Variants in PPFIBP1 observed in about 807,000 individuals in gnomAD.
PPFIBP1 encodes PPFIB scaffold protein 1.
PPFIBP1 carries 112 observed loss-of-function variants against 137.8 expected under a neutral mutation model. The ratio of observed to expected loss-of-function variants is 0.81; its 90% CI spans 0.70 to 0.95. PPFIBP1 has a LOEUF of 0.95. PPFIBP1 is among the 40% of genes least tolerant of loss of function. The probability of loss-of-function intolerance (pLI) is 0.00; values close to 1 mark genes in which losing one functional copy is unlikely to be tolerated. For synonymous variants in PPFIBP1, 378 were observed against 417.3 expected (o/e 0.91, Z 1.15); for missense variants, 1,083 against 1,196.6 (o/e 0.91, Z 1.40).
chr12:27,673,792 A>G lies in PPFIBP1; in HGVS notation c.1345A>G (p.Ser449Gly). The G allele has an allele frequency of 1.2e-6, 2 of 1,613,734 alleles. No individual in the cohort carries two copies. Among genetic ancestry groups the G allele is most frequent in the Non-Finnish European group, 1.7e-6 (2 of 1,179,734 alleles). Residue 449 changes from serine (S) to glycine (G), a missense_variant, in exon 16 of 30, where the codon AGC (serine) becomes GGC (glycine). Physicochemically the swap from Ser to Gly is moderately conservative, Grantham distance 56. Coordinates refer to ENST00000228425, the MANE Select transcript of PPFIBP1 (RefSeq NM_003622.4). ...LLTSSLQKSS[S>G]LGNLKKETSD... Reference sequence around the variant, plus strand: ...AACTTCAAGTCTGCAGAAGTCCAGCAGCCTGGGCAATCTGAAGAAAGAGAC... The same window carrying G: ...AACTTCAAGTCTGCAGAAGTCCAGCGGCCTGGGCAATCTGAAGAAAGAGAC...
At chr12:27,631,393 A>G (rs1418245882) in intron 2 of PPFIBP1, among the ~76,000 whole-genome samples, 2 of 152,132 alleles carry the variant, frequency 1.3e-5, no homozygotes, top group African/African-American at 4.8e-5. Flanking sequence ...AAGCCTTCCA[A>G]ATTGGACCCC....
chr12:27,541,565 C>T (rs2136015475), intron 1 of PPFIBP1, among the ~76,000 whole-genome samples: 1 of 152,316 alleles, frequency 6.6e-6, no homozygotes, highest in South Asian at 2.1e-4. Flanking sequence ...TTTGAGGCTG[C>T]AGGCTGTTGC....
At position 27,695,032 on chromosome 12, in the gene PPFIBP1, A is replaced by G. The variant is rs1227095868; in HGVS notation, c.*2150A>G. On this transcript the variant is annotated 3_prime_UTR_variant, in exon 30 of 30. Transcript: ENST00000228425. Reference sequence around the variant, plus strand: ...ATTGAACTTACTTTATTTGGATTTTATTTTAATGTGACTAGATGTCACCAC... The same window carrying G: ...ATTGAACTTACTTTATTTGGATTTTGTTTTAATGTGACTAGATGTCACCAC... The G allele has an allele frequency of 6.6e-6, 1 of 152,032 alleles. No homozygotes were observed. The allele number at this position is 152,032 out of a possible 1,614,324, so 9.4% of individuals were successfully genotyped here.
Position 27,647,751 on chromosome 12 carries a change from T to A in PPFIBP1, c.380T>A (p.Val127Glu), listed in dbSNP as rs887801239. The change falls in exon 6 of 30, where the codon GTG becomes GAG. Residue 127 changes from valine (V) to glutamate (E), a missense_variant. By Grantham distance (121) the Val-to-Glu change is moderately radical. Coordinates refer to ENST00000228425, the MANE Select transcript of PPFIBP1 (RefSeq NM_003622.4). ...CAGGTAAGTGTGTTAACAGACCAGG[T>A]GGAGGCTCAGGGAGAGAAGATTCGA... ...VLQVSVLTDQ[V>E]EAQGEKIRDL... 1.2e-6 allele frequency: 2 copies of A among 1,608,540 alleles called. No individual in the cohort carries two copies. Among genetic ancestry groups the A allele is most frequent in the Non-Finnish European group, 1.7e-6 (2 of 1,177,702 alleles).
chr12:27,654,335 T>C (rs1354940457), intron 7 of PPFIBP1: 1 of 153,922 alleles, frequency 6.5e-6, no homozygotes, highest in Non-Finnish European at 1.4e-5. Flanking sequence ...TACTAAAGAA[T>C]GTGGTATATT....
intron 22 of PPFIBP1, 122 bp downstream of exon 22, chr12:27,681,818 G>A: frequency 8.5e-7 from 1 of 1,183,336 alleles, no homozygotes; most frequent in South Asian, 1.8e-5. Context: ...GTAAACAAAA[G>A]TTTGGGTTTT....
intron 9 of PPFIBP1, among the ~76,000 whole-genome samples, chr12:27,657,920 C>A (rs953965762): frequency 3.1e-4 from 47 of 151,824 alleles, no homozygotes; most frequent in African/African-American, 1.1e-3. Flanking sequence ...CCAGCCTGGG[C>A]AACACAATGA....
At chr12:27,688,452 C>T in intron 26 of PPFIBP1, 29 bp downstream of exon 26, 1 of 1,609,368 alleles carries the variant, frequency 6.2e-7, no homozygotes, top group Non-Finnish European at 8.5e-7. Context: ...TTAAAATTGA[C>T]TTACTTTGCT....
At chr12:27,532,279 T>C (rs555296696) in intron 1 of PPFIBP1, among the ~76,000 whole-genome samples, 193 of 152,286 alleles carry the variant, frequency 1.3e-3, no homozygotes, top group African/African-American at 4.4e-3. Flanking sequence ...TGTAATAAAA[T>C]GCAGATTTAG....
chr12:27,691,501 T>G (rs550162741), intron 27 of PPFIBP1, among the ~76,000 whole-genome samples: 39 of 152,342 alleles, frequency 2.6e-4, no homozygotes, highest in Admixed American at 2.5e-3. Flanking sequence ...ATAAGAAGAA[T>G]AAGGTTAATT....
chr12:27,566,623 T>A (rs2049700705), intron 1 of PPFIBP1, among the ~76,000 whole-genome samples: 1 of 152,192 alleles, frequency 6.6e-6, no homozygotes, highest in Non-Finnish European at 1.5e-5. Context: ...TGGATAATAA[T>A]GAGGACTTTT....
intron 1 of PPFIBP1, among the ~76,000 whole-genome samples, chr12:27,571,012 T>A (rs1278871288): frequency 6.6e-6 from 1 of 152,200 alleles, no homozygotes; most frequent in Non-Finnish European, 1.5e-5. Flanking sequence ...ATGTTACTGG[T>A]AGTAGACTGC....
At chr12:27,536,224 G>A (rs1382586451) in intron 1 of PPFIBP1, among the ~76,000 whole-genome samples, 4 of 152,196 alleles carry the variant, frequency 2.6e-5, no homozygotes, top group African/African-American at 9.7e-5. Context: ...GGTGCATTGG[G>A]AAAACTGTGT....
At chr12:27,651,118 G>A (rs1341359874) in intron 7 of PPFIBP1, among the ~76,000 whole-genome samples, 1 of 152,034 alleles carries the variant, frequency 6.6e-6, no homozygotes, top group Non-Finnish European at 1.5e-5. Context: ...ATCCACCATA[G>A]GAAAGTTCTT....
At chr12:27,568,455 T>TA (rs2049871394) in intron 1 of PPFIBP1, among the ~76,000 whole-genome samples, 1 of 152,252 alleles carries the variant, frequency 6.6e-6, no homozygotes, top group Admixed American at 6.5e-5. Context: ...ATGCCAGTGT[T>TA]ACATCTTTCT....
chr12:27,555,637 A>G (rs1027413399), intron 1 of PPFIBP1, among the ~76,000 whole-genome samples: 5 of 152,174 alleles, frequency 3.3e-5, no homozygotes, highest in African/African-American at 1.2e-4. Context: ...CCTTTTCTCT[A>G]TGGAGAAACA....
chr12:27,608,774 C>G (rs1241994104), intron 2 of PPFIBP1: 1 of 201,382 alleles, frequency 5.0e-6, no homozygotes, highest in Non-Finnish European at 1.0e-5. Flanking sequence ...TCATCCGAGG[C>G]TGGACTCTCC....
chr12:27,551,173 G>A (rs1446468229), intron 1 of PPFIBP1, among the ~76,000 whole-genome samples: 2 of 151,944 alleles, frequency 1.3e-5, no homozygotes, highest in African/African-American at 2.4e-5. Flanking sequence ...TTATAACCAC[G>A]ACAGACCTGG....
At chr12:27,613,034 G>A (rs929220134) in intron 2 of PPFIBP1, among the ~76,000 whole-genome samples, 5 of 152,236 alleles carry the variant, frequency 3.3e-5, no homozygotes, top group African/African-American at 1.2e-4. Flanking sequence ...GATTGTATCT[G>A]AGCAGAGGAA....
Sources: allele counts gnomAD v4.1 joint callset (sites outside exome capture counted in the v4.1 genomes callset), GRCh38; gene constraint gnomAD v4.1.1; transcripts MANE v1.5; gene names NCBI Gene and HGNC (gene_info 2026-07-23, HGNC 2026-07-21).